The following ZNF584 variants were observed in gnomAD, a reference collection of about 807,000 sequenced individuals.
ZNF584 encodes the protein zinc finger protein 584.
ZNF584 carries 12 observed loss-of-function variants against 14.7 expected under a neutral mutation model. The observed-to-expected ratio is 0.82, with a 90% CI of 0.52 to 1.32. The LOEUF (loss-of-function observed/expected upper bound fraction) is 1.32, where lower values mean the gene tolerates loss of function less well. Among genes scored for constraint, ZNF584 ranks in the 40% most tolerant of loss-of-function variants. The probability of loss-of-function intolerance (pLI) is 0.00; values close to 1 mark genes in which losing one functional copy is unlikely to be tolerated. For missense variants in ZNF584, 478 were observed against 518.8 expected (o/e 0.92, Z 0.76); for synonymous variants, 204 against 190.9 (o/e 1.07, Z -0.57).
At chr19:58,412,286 T>C (rs546715254) in intron 2 of ZNF584, among the ~76,000 whole-genome samples, 85 of 142,672 alleles carry the variant, frequency 6.0e-4, no homozygotes, top group Non-Finnish European at 1.1e-3. Context: ...CTCGACTCAC[T>C]GCAAGCTCCG....
rs186522160 is a variant in ZNF584 at position 58,417,531 on chromosome 19, G to T, written c.1013G>T (p.Arg338Leu). ...CAATGTGGGAAAGGCTACGTGACCC[G>T]TTCAGGCCTCTATCAGCACTGGAAA... ...CKQCGKGYVT[R>L]SGLYQHWKVH... is the part of the protein sequence containing the mutation. The change falls in exon 4 of 4, where the codon CGT (arginine) becomes CTT (leucine). Residue 338 changes from arginine (R) to leucine (L), a missense_variant. Coordinates refer to ENST00000306910, the MANE Select transcript of ZNF584 (RefSeq NM_173548.3). The T allele has an allele frequency of 6.2e-7, 1 of 1,614,084 alleles. No homozygotes were observed. The highest frequency in any genetic ancestry group is 1.3e-5 in the African/African-American group (1 of 74,938).
intron 2 of ZNF584, among the ~76,000 whole-genome samples, chr19:58,412,174 G>A (rs2052582853): frequency 7.1e-6 from 1 of 140,260 alleles, no homozygotes; most frequent in African/African-American, 2.8e-5. Flanking sequence ...AGAGACAGGG[G>A]TTTCACCATG....
chr19:58,413,590 T>TC (rs1221587168), intron 2 of ZNF584, among the ~76,000 whole-genome samples: 2 of 150,926 alleles, frequency 1.3e-5, no homozygotes, highest in Admixed American at 1.3e-4. Flanking sequence ...CACTGCAACC[T>TC]CCGCCCCCCA....
chr19:58,411,022 C>T (rs1354353918), intron 2 of ZNF584, among the ~76,000 whole-genome samples: 3 of 151,088 alleles, frequency 2.0e-5, no homozygotes, highest in East Asian at 2.0e-4. Context: ...GAACTCCGGA[C>T]CTCATGATCT....
Position 58,417,383 on chromosome 19 carries a change from C to T in ZNF584, c.865C>T (p.Arg289Trp), listed in dbSNP as rs147686956. The T allele has an allele frequency of 1.6e-5, 26 of 1,605,448 alleles. No homozygotes were observed. Among genetic ancestry groups the T allele is most frequent in the Middle Eastern group, 1.6e-4 (1 of 6,066 alleles). Residue 289 changes from arginine to tryptophan, a missense_variant, in exon 4 of 4, where the codon CGG (arginine) becomes TGG (tryptophan). Physicochemically the swap from Arg to Trp is moderately radical, Grantham distance 101. Around this residue, in one of 3 missense-constraint regions of ZNF584, gnomAD observed 283 missense variants for 317.3 expected, o/e 0.89. Coordinates refer to ENST00000306910, the MANE Select transcript of ZNF584 (RefSeq NM_173548.3). ...TGTTCTGTCTACCCTCATTCGGCAC[C>T]GGAAAGTGCACATTGGAGAAAGGCC... is the stretch of plus-strand genomic sequence containing the variant. ...FSVLSTLIRH[R>W]KVHIGERPYE...
intron 2 of ZNF584, among the ~76,000 whole-genome samples, chr19:58,413,582 C>T (rs1316839373): frequency 3.3e-5 from 5 of 151,144 alleles, no homozygotes; most frequent in Admixed American, 6.6e-5. Flanking sequence ...TCTTGGCTCA[C>T]TGCAACCTCC....
In ZNF584 at chr19:58,410,619, ATATGTG is replaced by A. The variant is rs1568584710; in HGVS notation, c.169+532_169+537del. On this transcript the variant is annotated intron_variant, in intron 2 of 3. Transcript: ENST00000306910. Reference sequence around the variant, plus strand: ...TATATATATGTATATATATGTGTATATATGTGTATATATGTGTATATATATGTGTAT... The same window carrying A: ...TATATATATGTATATATATGTGTATATATATATGTGTATATATATGTGTAT... Among the ~76,000 whole-genome samples the A allele has an allele frequency of 4.1e-4, 19 of 45,840 alleles. 3 individuals are homozygous for A. Among genetic ancestry groups the A allele is most frequent in the African/African-American group, 3.0e-3 (16 of 5,408 alleles). 30.1% of individuals were successfully genotyped at this position (45,840 alleles called of 152,430 possible).
intron 1 of ZNF584, 100 bp downstream of exon 1, chr19:58,409,265 T>G: frequency 2.3e-6 from 3 of 1,290,350 alleles, no homozygotes; most frequent in Non-Finnish European, 2.0e-6. Flanking sequence ...TGCGTATGAT[T>G]CCAGGGGGAG....
In ZNF584 at chr19:58,401,936, G is replaced by A. The variant is rs1428492062; in HGVS notation, n.92+274G>A. ...TTTTTTTTTTTAGCCGGACGTGGTG[G>A]CGGGCGCCTGTAGTCCCAACCACTC... is the stretch of plus-strand genomic sequence containing the variant. On this transcript the variant is annotated intron_variant and non_coding_transcript_variant, in intron 1 of 3. Coordinates refer to the ZNF584 transcript ENST00000594993. Among the ~76,000 whole-genome samples, 4 of 147,510 alleles carry A rather than the reference G, an allele frequency of 2.7e-5. No individual in the cohort carries two copies. In the East Asian group the frequency reaches 7.9e-4, roughly 29 times the overall value.
chr19:58,411,705 G>C (rs374170815), intron 2 of ZNF584, among the ~76,000 whole-genome samples: 1 of 147,134 alleles, frequency 6.8e-6, no homozygotes, highest in African/African-American at 2.5e-5. Context: ...GTGCAGTGGC[G>C]CGATCTCGGC....
chr19:58,411,986 T>G (rs191280173), intron 2 of ZNF584, among the ~76,000 whole-genome samples: 2 of 144,176 alleles, frequency 1.4e-5, no homozygotes, highest in East Asian at 2.0e-4. Context: ...TGTTTTTTTT[T>G]TTTTTTTTTT....
At chr19:58,411,977 GTTTTTTTTTT>G (rs869258960) in intron 2 of ZNF584, among the ~76,000 whole-genome samples, 4 of 88,776 alleles carry the variant, frequency 4.5e-5, no homozygotes, top group African/African-American at 1.9e-4. Context: ...TATAATACTT[GTTTTTTTTTT>G]TTTTTTTTTT....
chr19:58,413,239 A>G (rs2052598195), intron 2 of ZNF584, among the ~76,000 whole-genome samples: 1 of 151,222 alleles, frequency 6.6e-6, no homozygotes, highest in African/African-American at 2.4e-5. Flanking sequence ...TTGGTTTGAG[A>G]TCTTTTAAAA....
chr19:58,405,054 AC>A (rs1355617738), upstream of ZNF584: 1 of 124,926 alleles, frequency 8.0e-6, no homozygotes, highest in African/African-American at 3.2e-5. Flanking sequence ...TGACCCCCCC[AC>A]CTCCCTCCCA....
upstream of ZNF584, among the ~76,000 whole-genome samples, chr19:58,403,795 C>A (rs2052445833): frequency 6.6e-6 from 1 of 151,680 alleles, no homozygotes; most frequent in South Asian, 2.1e-4. Context: ...ATGGTGAAAC[C>A]CCAACTCTAC....
intron 2 of ZNF584, among the ~76,000 whole-genome samples, chr19:58,410,529 A>ATG (rs2052532690): frequency 5.4e-5 from 1 of 18,584 alleles, no homozygotes; most frequent in Non-Finnish European, 1.0e-4. Flanking sequence ...ATATATATAT[A>ATG]TATATATATA....
At chr19:58,415,826 A>G in intron 3 of ZNF584, 180 bp downstream of exon 3, 1 of 1,602,672 alleles carries the variant, frequency 6.2e-7, no homozygotes, top group Non-Finnish European at 8.5e-7. Flanking sequence ...CAGGCCCCGC[A>G]TGTTCCTGCC....
At chr19:58,409,393 C>A (rs115508531) in intron 1 of ZNF584, among the ~76,000 whole-genome samples, 1 of 152,148 alleles carries the variant, frequency 6.6e-6, no homozygotes, top group East Asian at 1.9e-4. Context: ...GACGCATGTG[C>A]AGAACGGCGT....
intron 2 of ZNF584, among the ~76,000 whole-genome samples, chr19:58,415,129 G>A (rs189125094): frequency 7.2e-5 from 11 of 151,858 alleles, no homozygotes; most frequent in Admixed American, 4.6e-4. Context: ...TCCTGACCTC[G>A]TGATCCGCCC....
Sources: allele counts gnomAD v4.1 joint callset (sites outside exome capture counted in the v4.1 genomes callset), GRCh38; gene constraint gnomAD v4.1.1; regional missense constraint gnomAD v4.1.1; transcripts MANE v1.5; gene names NCBI Gene and HGNC (gene_info 2026-07-23, HGNC 2026-07-21).